Variants in CTNNA2 observed in about 807,000 individuals in gnomAD.
CTNNA2 encodes the protein catenin alpha-2.
Under a neutral mutation model 101.0 loss-of-function variants are expected in CTNNA2, and 42 were observed. The observed-to-expected ratio is 0.42, with a 90% CI of 0.32 to 0.54. The LOEUF is 0.54. Ranked by LOEUF, CTNNA2 falls within the 20% of genes least tolerant of loss-of-function variation. The pLI, the probability that CTNNA2 is intolerant of heterozygous loss-of-function variation, is 0.14. For synonymous variants in CTNNA2, 450 were observed against 456.4 expected (o/e 0.99, Z 0.18); for missense variants, 871 against 1,223.1 (o/e 0.71, Z 4.29).
chr2:79,698,869 G>T (rs1327803676), intron 2 of CTNNA2, among the ~76,000 whole-genome samples: 1 of 151,982 alleles, frequency 6.6e-6, no homozygotes, highest in Admixed American at 6.6e-5. Context: ...ACTTTTCTGA[G>T]AATATTTATC....
At chr2:80,163,109 A>G (rs1440297651) in intron 7 of CTNNA2, 2 of 1,579,160 alleles carry the variant, frequency 1.3e-6, no homozygotes, top group African/African-American at 2.7e-5. Context: ...TTGGTTTACC[A>G]TCCTTATCTT....
chr2:79,386,465 T>A (rs1678106675), intron 4 of CTNNA2, among the ~76,000 whole-genome samples: 1 of 152,206 alleles, frequency 6.6e-6, no homozygotes, highest in East Asian at 1.9e-4. Context: ...CCTCTTAGAA[T>A]GCACTTTTTT....
chr2:79,208,182 T>C (rs1674125072), intron 2 of CTNNA2, among the ~76,000 whole-genome samples: 3 of 152,334 alleles, frequency 2.0e-5, no homozygotes, highest in South Asian at 4.1e-4. Flanking sequence ...TGAATGGGCA[T>C]TTCTCCAATT....
chr2:79,207,367 C>A (rs1346670378), intron 2 of CTNNA2, among the ~76,000 whole-genome samples: 1 of 152,120 alleles, frequency 6.6e-6, no homozygotes, highest in African/African-American at 2.4e-5. Flanking sequence ...TAAAGCTACC[C>A]CTTAAGGTAA....
At chr2:79,998,523 A>G (rs1384813670) in intron 7 of CTNNA2, among the ~76,000 whole-genome samples, 1 of 152,214 alleles carries the variant, frequency 6.6e-6, no homozygotes, top group Non-Finnish European at 1.5e-5. Flanking sequence ...AGAAACACAC[A>G]TAAAGCCTTC....
intron 7 of CTNNA2, among the ~76,000 whole-genome samples, chr2:79,925,539 A>G (rs1471799273): frequency 6.6e-6 from 1 of 152,170 alleles, no homozygotes; most frequent in Non-Finnish European, 1.5e-5. Flanking sequence ...AGGATTATTT[A>G]CTAGCAAATC....
At chr2:79,704,510 C>CATTT (rs1553454271) in intron 2 of CTNNA2, among the ~76,000 whole-genome samples, 1 of 127,570 alleles carries the variant, frequency 7.8e-6, no homozygotes. Flanking sequence ...ACTTGTGCTT[C>CATTT]TTTTTTTTTT....
intron 7 of CTNNA2, among the ~76,000 whole-genome samples, chr2:79,948,693 G>T (rs550118463): frequency 6.6e-6 from 1 of 152,328 alleles, no homozygotes; most frequent in East Asian, 1.9e-4. Context: ...CTGTTGCTGG[G>T]TGCGGTGGCT....
At chr2:80,366,283 A>G (rs528907665) in intron 7 of CTNNA2, among the ~76,000 whole-genome samples, 4 of 152,240 alleles carry the variant, frequency 2.6e-5, no homozygotes, top group Admixed American at 2.6e-4. Context: ...AGAGAAAAAC[A>G]TTTCTGAGGC....
At chr2:80,568,451 A>G (rs2149689273) in intron 12 of CTNNA2, among the ~76,000 whole-genome samples, 1 of 152,212 alleles carries the variant, frequency 6.6e-6, no homozygotes, top group East Asian at 1.9e-4. Context: ...GTTTAAATGC[A>G]AAGAATGAAG....
chr2:79,465,697 C>T (rs1233469519), intron 4 of CTNNA2, among the ~76,000 whole-genome samples: 1 of 152,184 alleles, frequency 6.6e-6, no homozygotes, highest in East Asian at 1.9e-4. Context: ...AGGTCCTTCA[C>T]ATCCCTTGTA....
chr2:80,355,768 A>G (rs1673728692), intron 7 of CTNNA2, among the ~76,000 whole-genome samples: 1 of 151,714 alleles, frequency 6.6e-6, no homozygotes, highest in Non-Finnish European at 1.5e-5. Flanking sequence ...TCTTTTTTGA[A>G]CTCTTATATA....
chr2:79,562,408 A>G (rs565662739), intron 1 of CTNNA2, among the ~76,000 whole-genome samples: 10 of 152,156 alleles, frequency 6.6e-5, no homozygotes, highest in African/African-American at 2.4e-4. Flanking sequence ...AAAATAATGT[A>G]GTTAGGTAAA....
chr2:79,514,226 T>C (rs756282327), intron 1 of CTNNA2, among the ~76,000 whole-genome samples: 15 of 152,352 alleles, frequency 9.8e-5, no homozygotes, highest in Non-Finnish European at 1.8e-4. Flanking sequence ...TTGTTCATCA[T>C]GGGTTAACTT....
At chr2:80,368,884 T>TATA (rs1675196348) in intron 7 of CTNNA2, among the ~76,000 whole-genome samples, 1 of 150,432 alleles carries the variant, frequency 6.6e-6, no homozygotes. Flanking sequence ...TATATATATA[T>TATA]TTGGCACGCT....
chr2:80,036,845 G>C (rs936990351), intron 7 of CTNNA2, among the ~76,000 whole-genome samples: 1 of 71,414 alleles, frequency 1.4e-5, no homozygotes, highest in Non-Finnish European at 3.0e-5. Flanking sequence ...GTGTGTGTGT[G>C]TGTGAGAGAG....
At chr2:80,215,809 G>A (rs369270775) in intron 7 of CTNNA2, among the ~76,000 whole-genome samples, 12 of 152,320 alleles carry the variant, frequency 7.9e-5, no homozygotes, top group African/African-American at 2.9e-4. Flanking sequence ...GGACATTTAA[G>A]TCTGCAGAAG....
At chr2:80,063,177 TCTC>T (rs1697730569) in intron 7 of CTNNA2, among the ~76,000 whole-genome samples, 1 of 152,176 alleles carries the variant, frequency 6.6e-6, no homozygotes, top group Non-Finnish European at 1.5e-5. Flanking sequence ...TGTGAAATCT[TCTC>T]CTCTTCTCCC....
At chr2:79,649,518 A>G (rs556311817) in intron 1 of CTNNA2, among the ~76,000 whole-genome samples, 44 of 152,304 alleles carry the variant, frequency 2.9e-4, no homozygotes, top group African/African-American at 9.9e-4. Flanking sequence ...GTAGGGATGA[A>G]GGTATCCCAG....
Sources: gnomAD v4.1 joint callset for allele counts (sites outside exome capture counted in the v4.1 genomes callset) on GRCh38, gnomAD v4.1.1 for gene constraint, MANE v1.5 for transcripts, NCBI Gene and HGNC (gene_info 2026-07-23, HGNC 2026-07-21) for gene names.